FAM117B: variants seen among roughly 807,000 people sequenced by gnomAD.
FAM117B encodes protein FAM117B.
In FAM117B, 22 loss-of-function variants were observed where a neutral mutation model predicts 52.8. That is an observed-to-expected ratio of 0.42 (90% confidence interval 0.30 to 0.59). The LOEUF is 0.59. FAM117B is among the 20% of genes least tolerant of loss of function. FAM117B has a pLI of 0.22. For synonymous variants in FAM117B, 309 were observed against 324.1 expected, an observed-to-expected ratio of 0.95 and a Z score of 0.50; for missense variants, 678 against 802.6, an observed-to-expected ratio of 0.84 and a Z score of 1.88.
In FAM117B at chr2:202,644,209, A is replaced by T. The variant is rs1216439858; in HGVS notation, c.601+8421A>T. 2.6e-5 allele frequency among the ~76,000 whole-genome samples: 4 copies of T among 151,688 alleles called. No homozygotes were observed. The East Asian group carries it at 5.8e-4, about 22-fold the overall frequency. ...TTTTGGTTAAATCAGTATTAATGTT[A>T]TTATGACCATGTAAATATTGATTAC... is the stretch of plus-strand genomic sequence containing the variant. On this transcript the variant is annotated intron_variant, in intron 1 of 7. Coordinates refer to ENST00000392238, the MANE Select transcript of FAM117B (RefSeq NM_173511.4).
At chr2:202,676,483 G>T (rs1046445342) in intron 1 of FAM117B, among the ~76,000 whole-genome samples, 11 of 151,408 alleles carry the variant, frequency 7.3e-5, no homozygotes, top group Admixed American at 3.3e-4. Flanking sequence ...AGGTTCAAGC[G>T]ATTCTCCTGC....
intron 4 of FAM117B, among the ~76,000 whole-genome samples, chr2:202,737,608 T>C (rs1388964324): frequency 6.9e-6 from 1 of 143,916 alleles, no homozygotes; most frequent in African/African-American, 2.7e-5. Context: ...ATAGTTTAAC[T>C]TTTTTTTTTT....
At chr2:202,641,795 C>T (rs1165941876) in intron 1 of FAM117B, among the ~76,000 whole-genome samples, 22 of 151,252 alleles carry the variant, frequency 1.5e-4, no homozygotes, top group African/African-American at 3.6e-4. Flanking sequence ...CCTGCCACCA[C>T]GCCCAGCTAA....
intron 2 of FAM117B, among the ~76,000 whole-genome samples, chr2:202,717,427 G>T (rs1691075908): frequency 1.3e-5 from 2 of 152,234 alleles, no homozygotes; most frequent in African/African-American, 2.4e-5. Flanking sequence ...AGCTGAGATG[G>T]TGTCACTGTA....
chr2:202,711,816 A>G (rs1465404039), intron 2 of FAM117B, among the ~76,000 whole-genome samples: 1 of 152,040 alleles, frequency 6.6e-6, no homozygotes, highest in Non-Finnish European at 1.5e-5. Flanking sequence ...TTCCCCATGT[A>G]TGTTCTTGGC....
At chr2:202,728,040 G>C (rs1400732212) in intron 4 of FAM117B, among the ~76,000 whole-genome samples, 2 of 145,894 alleles carry the variant, frequency 1.4e-5, no homozygotes, top group Non-Finnish European at 2.9e-5. Context: ...GTGCAGCAGG[G>C]TGATCACAGA....
At chr2:202,689,477 A>T (rs948191670) in intron 1 of FAM117B, among the ~76,000 whole-genome samples, 4 of 152,140 alleles carry the variant, frequency 2.6e-5, no homozygotes, top group Non-Finnish European at 5.9e-5. Context: ...ATGGTGGACT[A>T]TTAGAATTTT....
chr2:202,655,747 A>AGTGTGTGT (rs1354896296), intron 1 of FAM117B, among the ~76,000 whole-genome samples: 11 of 133,150 alleles, frequency 8.3e-5, no homozygotes, highest in African/African-American at 3.5e-4. Context: ...AGAGAGAGAG[A>AGTGTGTGT]GAGAGAGAGA....
intron 1 of FAM117B, among the ~76,000 whole-genome samples, chr2:202,642,087 G>A (rs1429163395): frequency 1.1e-4 from 17 of 148,762 alleles, no homozygotes; most frequent in South Asian, 2.1e-4. Context: ...GACTACAGCC[G>A]TGTGCCACCA....
rs192111141 is a variant in FAM117B, at chr2:202,749,685, T to C, written c.961-5853T>C. Among the ~76,000 whole-genome samples, 295 of 152,254 alleles carry C rather than the reference T, an allele frequency of 1.9e-3. 1 individual carries two copies. Among genetic ancestry groups the C allele is most frequent in the Non-Finnish European group, 3.5e-3 (237 of 68,020 alleles). ...ACTCATGCTTGTAATCCCTGTACTT[T>C]GGGAGGTCAAGGCTGGGAGGATCAC... is the stretch of plus-strand genomic sequence containing the variant. On this transcript the variant is annotated intron_variant, in intron 4 of 7. Coordinates refer to ENST00000392238, the MANE Select transcript of FAM117B (RefSeq NM_173511.4).
At chr2:202,656,150 T>G (rs1054890966) in intron 1 of FAM117B, among the ~76,000 whole-genome samples, 1 of 152,152 alleles carries the variant, frequency 6.6e-6, no homozygotes, top group Admixed American at 6.6e-5. Context: ...GTTTATTATT[T>G]TTATAGGTCT....
At chr2:202,679,569 C>T (rs560950762) in intron 1 of FAM117B, among the ~76,000 whole-genome samples, 9 of 152,242 alleles carry the variant, frequency 5.9e-5, no homozygotes, top group Admixed American at 4.6e-4. Flanking sequence ...AAGCACTTAC[C>T]AGAGTGCTAA....
At chr2:202,704,464 G>A (rs967674652) in intron 2 of FAM117B, among the ~76,000 whole-genome samples, 1 of 152,164 alleles carries the variant, frequency 6.6e-6, no homozygotes, top group Non-Finnish European at 1.5e-5. Flanking sequence ...GGCACTTTTA[G>A]CAGTTATTTG....
chr2:202,647,352 C>A (rs1286479986), intron 1 of FAM117B, among the ~76,000 whole-genome samples: 1 of 152,062 alleles, frequency 6.6e-6, no homozygotes, highest in Non-Finnish European at 1.5e-5. Context: ...TTCTTGGTCT[C>A]TATTCTAGAC....
chr2:202,691,563 A>C (rs1690623676), intron 1 of FAM117B, among the ~76,000 whole-genome samples: 2 of 152,032 alleles, frequency 1.3e-5, no homozygotes, highest in Non-Finnish European at 2.9e-5. Context: ...CCGGTAGGCA[A>C]CTGAAGCAAC....
chr2:202,694,266 C>G (rs191483333), intron 1 of FAM117B, among the ~76,000 whole-genome samples: 1 of 146,172 alleles, frequency 6.8e-6, no homozygotes, highest in Non-Finnish European at 1.5e-5. Context: ...TCTTGGCTCA[C>G]TGCAACCTCC....
intron 7 of FAM117B, among the ~76,000 whole-genome samples, chr2:202,761,699 G>A (rs1047832878): frequency 2.6e-5 from 4 of 151,908 alleles, no homozygotes; most frequent in Admixed American, 2.6e-4. Flanking sequence ...GCTAAGTTTT[G>A]TATTTTTAGT....
Position 202,766,254 on chromosome 2 carries a change from G to A in FAM117B, c.*490G>A, listed in dbSNP as rs1049503348. 6.5e-6 allele frequency: 1 copy of A among 153,294 alleles called. No individual in the cohort carries two copies. Among genetic ancestry groups the A allele is most frequent in the African/African-American group, 2.4e-5 (1 of 41,376 alleles). The allele number at this position is 153,294 out of a possible 1,614,324, so 9.5% of individuals were successfully genotyped here. The stretch of plus-strand genomic sequence containing the variant: ...CAGGATATTCAAAAGATTCTTTGGT[G>A]GCCTCTGTTTCTTGTTCCCTTTCTA... On this transcript the variant is annotated 3_prime_UTR_variant, in exon 8 of 8. Coordinates refer to ENST00000392238, the MANE Select transcript of FAM117B (RefSeq NM_173511.4).
rs1423068427 is a variant in FAM117B at position 202,726,477 on chromosome 2, G to A, written c.960+114G>A. 2.8e-5 allele frequency: 20 copies of A among 710,796 alleles called. No individual in the cohort carries two copies. In the Admixed American group the frequency reaches 5.8e-4, roughly 21 times the overall value. 44.0% of individuals were successfully genotyped at this position (710,796 alleles called of 1,614,324 possible). On this transcript the variant is annotated intron_variant, in intron 4 of 7. Transcript: ENST00000392238. Reference sequence around the variant, plus strand: ...AATGCTCAAAAACATATTTGAAACAGTGATTTAAATACTGAATCACAGTCT... The same window carrying A: ...AATGCTCAAAAACATATTTGAAACAATGATTTAAATACTGAATCACAGTCT...
Sources: gnomAD v4.1 joint callset for allele counts (sites outside exome capture counted in the v4.1 genomes callset) on GRCh38, gnomAD v4.1.1 for gene constraint, MANE v1.5 for transcripts, NCBI Gene and HGNC (gene_info 2026-07-23, HGNC 2026-07-21) for gene names.